The following USH1C variants were observed in gnomAD, a reference collection of about 807,000 sequenced individuals.
USH1C encodes USH1 protein network component harmonin.
In USH1C, 90 loss-of-function variants were observed where a neutral mutation model predicts 119.3. The ratio of observed to expected loss-of-function variants is 0.75; its 90% CI spans 0.64 to 0.90. The LOEUF is 0.90. Among genes scored for constraint, USH1C ranks in the 40% least tolerant of loss-of-function variants. The pLI, the probability that USH1C is intolerant of heterozygous loss-of-function variation, is 0.00. For missense variants in USH1C, 1,165 were observed against 1,167.7 expected, an observed-to-expected ratio of 1.00 and a Z score of 0.03; for synonymous variants, 465 against 443.3, an observed-to-expected ratio of 1.05 and a Z score of -0.62.
chr11:17,537,614 G>T (rs1851282024), intron 1 of USH1C, among the ~76,000 whole-genome samples: 1 of 152,026 alleles, frequency 6.6e-6, no homozygotes, highest in African/African-American at 2.4e-5. Flanking sequence ...AAAAAAGTAG[G>T]TCCCAGCGAC....
intron 7 of USH1C, 77 bp from the exon 8 acceptor site, chr11:17,526,518 G>C: frequency 1.5e-6 from 2 of 1,336,646 alleles, no homozygotes; most frequent in Non-Finnish European, 2.1e-6. Flanking sequence ...GGGATCTGCA[G>C]GGCGAGCACT....
chr11:17,536,638 T>G (rs192507890), intron 1 of USH1C, among the ~76,000 whole-genome samples: 1 of 152,186 alleles, frequency 6.6e-6, no homozygotes, highest in Non-Finnish European at 1.5e-5. Context: ...TTCGGCCTCA[T>G]GTCCACCCAC....
Position 17,544,385 on chromosome 11 carries a change from C to T in USH1C, c.-78G>A. ...GGCTGCCAGGAGCTGGAAAGAGCCG[C>T]GACCGCGACCGGGCCAGCCGCCCTC... On this transcript the variant is annotated 5_prime_UTR_variant, in exon 1 of 27. Coordinates refer to ENST00000005226, the MANE Select transcript of USH1C (RefSeq NM_153676.4). 2 of 1,602,334 alleles carry T rather than the reference C, an allele frequency of 1.2e-6. No individual in the cohort carries two copies. The highest frequency in any genetic ancestry group is 1.1e-5 in the South Asian group (1 of 90,412).
chr11:17,495,008 G>A (rs1849195869), intron 26 of USH1C: 1 of 217,436 alleles, frequency 4.6e-6, no homozygotes, highest in East Asian at 1.1e-4. Context: ...AACAGGACAT[G>A]AGCAACTCTA....
chr11:17,532,844 AGCAGTG>A (rs1851048534), intron 2 of USH1C, among the ~76,000 whole-genome samples: 1 of 152,350 alleles, frequency 6.6e-6, no homozygotes, highest in East Asian at 1.9e-4. Context: ...CACAGTGCCC[AGCAGTG>A]GCAGGAGCTT....
chr11:17,534,438 C>A (rs1469460760), intron 1 of USH1C, among the ~76,000 whole-genome samples: 1 of 152,232 alleles, frequency 6.6e-6, no homozygotes, highest in Non-Finnish European at 1.5e-5. Flanking sequence ...ACCTCCTTCC[C>A]TATAAAATCA....
chr11:17,534,805 C>T (rs150720456), intron 1 of USH1C, among the ~76,000 whole-genome samples: 3,169 of 144,040 alleles, frequency 0.022, 108 homozygotes, highest in African/African-American at 0.076. Context: ...ACTCGGGAGG[C>T]GGAGGTTGCA....
At chr11:17,511,342 G>C (rs990327726) in intron 16 of USH1C, among the ~76,000 whole-genome samples, 3 of 152,084 alleles carry the variant, frequency 2.0e-5, no homozygotes, top group African/African-American at 7.2e-5. Context: ...GTTGGGTGGG[G>C]GGGGGTCTGG....
At position 17,509,725 on chromosome 11, in the gene USH1C, C is replaced by T; in HGVS notation, c.1644G>A (p.Leu548=). 1 of 1,600,550 alleles carries T rather than the reference C, an allele frequency of 6.2e-7. No individual in the cohort carries two copies. Among genetic ancestry groups the T allele is most frequent in the Non-Finnish European group, 8.5e-7 (1 of 1,179,376 alleles). ...LHTTDLDDIP[L]DMFYYPPKTP... is the part of the protein sequence containing the mutation. ...TCTTGGGGGGATAGTAGAACATGTCCAAAGGGATGTCGTCCAGGTCAGTGG... is the reference window on the plus strand; with the variant it reads ...TCTTGGGGGGATAGTAGAACATGTCTAAAGGGATGTCGTCCAGGTCAGTGG... Residue 548 remains leucine (L), a synonymous_variant, in exon 18 of 27, where the codon TTG becomes TTA. Coordinates refer to ENST00000005226, the MANE Select transcript of USH1C (RefSeq NM_153676.4).
At position 17,511,847 on chromosome 11, in the gene USH1C, A is replaced by G. The variant is rs1400066505; in HGVS notation, c.1413+55T>C. Reference sequence around the variant, plus strand: ...GCTGGTCCTCTGGGAGCACATGGAGAACGACCACATTGTGTCCCAGGGTTG... The same window carrying G: ...GCTGGTCCTCTGGGAGCACATGGAGGACGACCACATTGTGTCCCAGGGTTG... On this transcript the variant is annotated intron_variant, in intron 16 of 26. Coordinates refer to ENST00000005226, the MANE Select transcript of USH1C (RefSeq NM_153676.4). The G allele has an allele frequency of 5.7e-6, 9 of 1,577,618 alleles. No homozygotes were observed. The East Asian group carries it at 2.0e-4, about 35-fold the overall frequency.
chr11:17,526,465 T>C (rs574982846), intron 7 of USH1C, 24 bp from the exon 8 acceptor site: 2 of 1,606,494 alleles, frequency 1.2e-6, no homozygotes, highest in East Asian at 2.2e-5. Context: ...AGAAGCAGAA[T>C]CACGGAGTGT....
rs1461214620 is a variant in USH1C at position 17,494,357 on chromosome 11, T to G, written c.2675A>C (p.Lys892Thr). ...LEPTDLLLKSKRGNQIHR is the reference protein window; with the variant it reads ...LEPTDLLLKSTRGNQIHR ...CTAACGGTGAATTTGGTTTCCCCTT[T>G]TGGACTTCAGAAGAAGGTCCTGCAG... Residue 892 changes from lysine (K) to threonine (T), a missense_variant, in exon 27 of 27, where the codon AAA (lysine) becomes ACA (threonine). Transcript: ENST00000005226. The G allele has an allele frequency of 6.2e-7, 1 of 1,605,366 alleles. No homozygotes were observed. The highest frequency in any genetic ancestry group is 1.3e-5 in the African/African-American group (1 of 74,756).
intron 18 of USH1C, 59 bp downstream of exon 18, chr11:17,509,297 A>G: frequency 6.6e-7 from 1 of 1,509,260 alleles, no homozygotes; most frequent in Non-Finnish European, 8.9e-7. Flanking sequence ...GACATGGGAA[A>G]CAGCAGTTCT....
rs750202049 is a variant in USH1C at position 17,524,558 on chromosome 11, G to T, written c.675-23C>A. 6.4e-6 allele frequency: 10 copies of T among 1,552,782 alleles called. 1 individual carries two copies. In the South Asian group the frequency reaches 1.2e-4, roughly 18 times the overall value. On this transcript the variant is annotated intron_variant, in intron 8 of 26. Transcript: ENST00000005226. Reference sequence around the variant, plus strand: ...ATGCTGCGGGAGGTGGGAAATGTGTGCTCGGGATTCAGGTAACCCATGTCC... The same window carrying T: ...ATGCTGCGGGAGGTGGGAAATGTGTTCTCGGGATTCAGGTAACCCATGTCC...
At chr11:17,527,466 G>A (rs970903266) in intron 4 of USH1C, 135 bp from the exon 5 acceptor site, 1 of 751,632 alleles carries the variant, frequency 1.3e-6, no homozygotes, top group African/African-American at 1.7e-5. Flanking sequence ...AATAAGCCTT[G>A]ATCTCAACCA....
intron 18 of USH1C, 60 bp from the exon 19 acceptor site, chr11:17,506,009 C>A: frequency 1.2e-6 from 2 of 1,610,568 alleles, no homozygotes; most frequent in Non-Finnish European, 1.7e-6. Flanking sequence ...CAAGGCCAGC[C>A]ATGCTACTTC....
At chr11:17,495,966 G>C (rs1165176400) in intron 25 of USH1C, among the ~76,000 whole-genome samples, 1 of 152,078 alleles carries the variant, frequency 6.6e-6, no homozygotes, top group East Asian at 1.9e-4. Context: ...ATGAGGTGAG[G>C]ATGGAGGTGA....
intron 8 of USH1C, 30 bp downstream of exon 8, chr11:17,526,317 G>T: frequency 3.1e-6 from 5 of 1,595,068 alleles, no homozygotes; most frequent in South Asian, 1.1e-5. Context: ...CACTGGCCAC[G>T]AATGACCCCA....
intron 1 of USH1C, chr11:17,533,624 G>T: frequency 1.8e-6 from 1 of 546,120 alleles, no homozygotes; most frequent in Admixed American, 2.3e-5. Flanking sequence ...GTACATATGT[G>T]AATCCCCATG....
Sources: allele counts gnomAD v4.1 joint callset (sites outside exome capture counted in the v4.1 genomes callset), GRCh38; gene constraint gnomAD v4.1.1; transcripts MANE v1.5; gene names NCBI Gene and HGNC (gene_info 2026-07-23, HGNC 2026-07-21).